The following SRGAP1 variants were observed in gnomAD, a reference collection of about 807,000 sequenced individuals.
SRGAP1 encodes the protein SLIT-ROBO Rho GTPase-activating protein 1.
A neutral mutation model predicts 121.9 loss-of-function variants in SRGAP1; 43 were observed. The ratio of observed to expected loss-of-function variants is 0.35; its 90% CI spans 0.28 to 0.46. The LOEUF (loss-of-function observed/expected upper bound fraction) is 0.46. SRGAP1 is among the 20% of genes least tolerant of loss of function. The probability of loss-of-function intolerance (pLI) is 1.00; values close to 1 mark genes in which losing one functional copy is unlikely to be tolerated. For missense variants in SRGAP1, 1,102 were observed against 1,350.9 expected, an observed-to-expected ratio of 0.82 and a Z score of 2.89; for synonymous variants, 447 against 485.4, an observed-to-expected ratio of 0.92 and a Z score of 1.04.
chr12:63,896,256 A>G (rs1045996768), intron 1 of SRGAP1, among the ~76,000 whole-genome samples: 8 of 152,260 alleles, frequency 5.3e-5, no homozygotes, highest in African/African-American at 1.9e-4. Context: ...TGTTAATAAT[A>G]ATACGATGGT....
At chr12:63,915,226 G>A (rs188857020) in intron 1 of SRGAP1, among the ~76,000 whole-genome samples, 8 of 152,296 alleles carry the variant, frequency 5.3e-5, no homozygotes, top group African/African-American at 1.9e-4. Context: ...AACATGAAGA[G>A]CATCAATCAG....
chr12:63,932,015 C>T (rs745481972), intron 1 of SRGAP1, among the ~76,000 whole-genome samples: 3 of 152,186 alleles, frequency 2.0e-5, no homozygotes, highest in South Asian at 2.1e-4. Flanking sequence ...AGATTATCTA[C>T]CTGTCCATGT....
intron 4 of SRGAP1, among the ~76,000 whole-genome samples, chr12:64,021,012 C>T (rs2034536964): frequency 6.6e-6 from 1 of 151,208 alleles, no homozygotes; most frequent in Admixed American, 6.6e-5. Flanking sequence ...ATAAAGCCTT[C>T]CAAGACTCAA....
At chr12:64,019,657 G>A (rs945707907) in intron 4 of SRGAP1, among the ~76,000 whole-genome samples, 1 of 152,028 alleles carries the variant, frequency 6.6e-6, no homozygotes, top group Non-Finnish European at 1.5e-5. Context: ...ACTCTGTCTT[G>A]TTCAAATCAA....
chr12:64,004,987 C>G (rs371665831), intron 3 of SRGAP1, among the ~76,000 whole-genome samples: 2 of 152,284 alleles, frequency 1.3e-5, no homozygotes, highest in African/African-American at 4.8e-5. Flanking sequence ...TTAAGAAACA[C>G]TTGTGATACC....
chr12:63,951,137 A>T (rs2032277739), intron 1 of SRGAP1, among the ~76,000 whole-genome samples: 2 of 132,102 alleles, frequency 1.5e-5, no homozygotes, highest in Admixed American at 7.8e-5. Flanking sequence ...GGGCTGGTCC[A>T]TGCCATTTAG....
intron 4 of SRGAP1, among the ~76,000 whole-genome samples, chr12:64,034,074 A>G (rs1376463523): frequency 1.3e-5 from 2 of 152,134 alleles, no homozygotes; most frequent in Non-Finnish European, 2.9e-5. Context: ...TAACATATTC[A>G]CTGATATGGT....
chr12:63,974,289 C>T (rs1325310220), intron 1 of SRGAP1, among the ~76,000 whole-genome samples: 1 of 151,924 alleles, frequency 6.6e-6, no homozygotes, highest in Non-Finnish European at 1.5e-5. Context: ...GTTATGTAGG[C>T]CAAAATATAA....
chr12:63,939,826 T>C (rs1314617616), intron 1 of SRGAP1, among the ~76,000 whole-genome samples: 1 of 152,140 alleles, frequency 6.6e-6, no homozygotes, highest in East Asian at 1.9e-4. Flanking sequence ...CAAACCTTTA[T>C]TCCCTTCTGT....
chr12:64,160,758 G>A lies in SRGAP1; in HGVS notation c.*18086G>A, dbSNP rs1018302942. ...GTGGCTCATTATCTGGAAAGTGTAA[G>A]AATGAGGTGGCAGAAAGAGGTAGAA... On this transcript the variant is annotated 3_prime_UTR_variant, in exon 22 of 22. Transcript: ENST00000355086. 1 of 152,178 alleles carries A rather than the reference G, an allele frequency of 6.6e-6. No individual in the cohort carries two copies. The highest frequency in any genetic ancestry group is 1.5e-5 in the Non-Finnish European group (1 of 68,034). 9.4% of individuals were successfully genotyped at this position (152,178 alleles called of 1,614,324 possible).
At chr12:64,103,319 T>C (rs1421101412) in intron 15 of SRGAP1, among the ~76,000 whole-genome samples, 1 of 152,212 alleles carries the variant, frequency 6.6e-6, no homozygotes, top group Non-Finnish European at 1.5e-5. Context: ...ATACTGGCTC[T>C]TCATAAACCA....
chr12:64,115,665 G>T, intron 17 of SRGAP1, 149 bp from the exon 18 acceptor site: 1 of 580,256 alleles, frequency 1.7e-6, no homozygotes, highest in Non-Finnish European at 3.1e-6. Context: ...GGAGGCTGAG[G>T]TAGGAGGATC....
chr12:64,107,860 C>T (rs1009433231), intron 15 of SRGAP1, among the ~76,000 whole-genome samples: 5 of 152,146 alleles, frequency 3.3e-5, no homozygotes, highest in Admixed American at 2.6e-4. Context: ...CAAAGTTGTA[C>T]TTTGTAAAGG....
rs1205191893 is a variant in SRGAP1 at position 64,161,325 on chromosome 12, T to C, written c.*18653T>C. ...CTGTTTTCTTATAATTCCTAATATT[T>C]GGAGGTTGGACCTCATGAACTGATC... On this transcript the variant is annotated 3_prime_UTR_variant, in exon 22 of 22. Transcript: ENST00000355086. 6.6e-6 allele frequency: 1 copy of C among 152,232 alleles called. No homozygotes were observed. The highest frequency in any genetic ancestry group is 1.9e-4 in the East Asian group (1 of 5,204). The allele number at this position is 152,232 out of a possible 1,614,324, so 9.4% of individuals were successfully genotyped here.
Position 64,159,536 on chromosome 12 carries a change from G to C in SRGAP1, c.*16864G>C, listed in dbSNP as rs1169548063. ...TGACTGTGATCCCAGCTACTTGGGAGGCTGAAGTGAAAGGATCGCTTGAGC... is the reference window on the plus strand; with the variant it reads ...TGACTGTGATCCCAGCTACTTGGGACGCTGAAGTGAAAGGATCGCTTGAGC... On this transcript the variant is annotated 3_prime_UTR_variant, in exon 22 of 22. Coordinates refer to ENST00000355086, the MANE Select transcript of SRGAP1 (RefSeq NM_020762.4). The C allele has an allele frequency of 6.5e-6, 1 of 152,824 alleles. No homozygotes were observed. Among genetic ancestry groups the C allele is most frequent in the Non-Finnish European group, 1.5e-5 (1 of 68,640 alleles). The allele number at this position is 152,824 out of a possible 1,614,324, so 9.5% of individuals were successfully genotyped here.
At chr12:64,004,546 A>G (rs2034016897) in intron 3 of SRGAP1, among the ~76,000 whole-genome samples, 1 of 151,826 alleles carries the variant, frequency 6.6e-6, no homozygotes, top group South Asian at 2.1e-4. Flanking sequence ...AATTTTTTGT[A>G]TTTTTAGTAG....
chr12:64,107,192 A>AG (rs1419660836), intron 15 of SRGAP1, among the ~76,000 whole-genome samples: 1 of 152,194 alleles, frequency 6.6e-6, no homozygotes, highest in East Asian at 1.9e-4. Flanking sequence ...GCTATGCAAA[A>AG]GGGAAAATAG....
intron 1 of SRGAP1, among the ~76,000 whole-genome samples, chr12:63,953,575 A>G (rs1296334566): frequency 6.6e-6 from 1 of 151,192 alleles, no homozygotes; most frequent in African/African-American, 2.4e-5. Context: ...GCTAATTTTT[A>G]AAGTTTTTTT....
chr12:64,152,203 A>G lies in SRGAP1; in HGVS notation c.*9531A>G, dbSNP rs775579544. On this transcript the variant is annotated 3_prime_UTR_variant, in exon 22 of 22. Coordinates refer to ENST00000355086, the MANE Select transcript of SRGAP1 (RefSeq NM_020762.4). ...CATGCTACAAATGTTAACCCTCATA[A>G]GAAAGCCAAGAGAGCCACAGTTATT... 2 of 152,214 alleles carry G rather than the reference A, an allele frequency of 1.3e-5. No individual in the cohort carries two copies. Among genetic ancestry groups the G allele is most frequent in the Non-Finnish European group, 2.9e-5 (2 of 68,052 alleles). 9.4% of individuals were successfully genotyped at this position (152,214 alleles called of 1,614,324 possible).
Sources: gnomAD v4.1 joint callset for allele counts (sites outside exome capture counted in the v4.1 genomes callset) on GRCh38, gnomAD v4.1.1 for gene constraint, MANE v1.5 for transcripts, NCBI Gene and HGNC (gene_info 2026-07-23, HGNC 2026-07-21) for gene names.